The following PYGB variants were observed in gnomAD, a reference collection of about 807,000 sequenced individuals.
PYGB encodes the protein glycogen phosphorylase, brain form.
In PYGB, 82 loss-of-function variants were observed where a neutral mutation model predicts 94.3. The ratio of observed to expected loss-of-function variants is 0.87; its 90% CI spans 0.73 to 1.04. The LOEUF (loss-of-function observed/expected upper bound fraction) is 1.04. PYGB is among the 50% of genes least tolerant of loss of function. The pLI, the probability that PYGB is intolerant of heterozygous loss-of-function variation, is 0.00. For synonymous variants in PYGB, 488 were observed against 479.1 expected (o/e 1.02, Z -0.24); for missense variants, 1,132 against 1,158.2 (o/e 0.98, Z 0.33).
Position 25,270,202 on chromosome 20 carries a change from T to G in PYGB, c.424+995T>G, listed in dbSNP as rs200089228. ...TAATCCTGAAGTTTTTTTTGTTTTG[T>G]TTTGTTTTTTTTTTTTTTGAGATGG... is the stretch of plus-strand genomic sequence containing the variant. On this transcript the variant is annotated intron_variant, in intron 3 of 19. Transcript: ENST00000216962. Among the ~76,000 whole-genome samples the G allele has an allele frequency of 6.3e-4, 22 of 34,826 alleles. No individual in the cohort carries two copies. In the East Asian group the frequency reaches 0.25, roughly 396 times the overall value. The allele number at this position is 34,826 out of a possible 152,430, so 22.8% of individuals were successfully genotyped here. A position where few individuals can be genotyped will look rare whatever the true frequency, so the allele number is the denominator to read the frequency against.
At chr20:25,295,911 CTG>C (rs2088535481) in intron 19 of PYGB, among the ~76,000 whole-genome samples, 1 of 152,234 alleles carries the variant, frequency 6.6e-6, no homozygotes, top group Non-Finnish European at 1.5e-5. Flanking sequence ...GGCCTGGAAA[CTG>C]AGTGACGGGC....
intron 2 of PYGB, among the ~76,000 whole-genome samples, chr20:25,268,517 T>C (rs1464092742): frequency 6.6e-6 from 1 of 152,164 alleles, no homozygotes; most frequent in Admixed American, 6.5e-5. Context: ...TAAATATCAA[T>C]ATATGTAATT....
At position 25,276,714 on chromosome 20, in the gene PYGB, G is replaced by T. The variant is rs751107948; in HGVS notation, c.729G>T (p.Arg243=). The T allele has an allele frequency of 1.2e-6, 2 of 1,614,028 alleles. No homozygotes were observed. The highest frequency in any genetic ancestry group is 1.7e-5 in the Admixed American group (1 of 60,014). The change falls in exon 6 of 20, where the codon CGG becomes CGT. Residue 243 remains arginine (R), a synonymous_variant. Transcript: ENST00000216962. ...GYKNNTVNTM[R]LWSAKAPNDF... is the part of the protein sequence containing the mutation. ...AGAACAACACCGTCAACACCATGCG[G>T]CTGTGGTCCGCCAAGGCTCCCAACG...
rs111921219 is a variant in PYGB, at chr20:25,282,532, C to T, written c.1518+385C>T. ...ATGAGTGCTGAGGTGTCAGGCCCTG[C>T]GCTACAGGCAAGGACCAGCCGCTGG... On this transcript the variant is annotated intron_variant, in intron 12 of 19. Transcript: ENST00000216962. 3.7e-3 allele frequency among the ~76,000 whole-genome samples: 561 copies of T among 152,366 alleles called. 5 individuals carry two copies. Among genetic ancestry groups the T allele is most frequent in the Middle Eastern group, 0.01 (3 of 294 alleles).
chr20:25,288,140 A>C (rs1451020624), intron 14 of PYGB: 2 of 561,264 alleles, frequency 3.6e-6, no homozygotes, highest in East Asian at 6.7e-5. Context: ...TGCTCGAGTC[A>C]GCTGCTGGGT....
At chr20:25,253,510 G>C (rs1458447082) in intron 1 of PYGB, among the ~76,000 whole-genome samples, 1 of 151,892 alleles carries the variant, frequency 6.6e-6, no homozygotes, top group Non-Finnish European at 1.5e-5. Context: ...AAATTAGCCG[G>C]GCGTGGTGGT....
intron 4 of PYGB, 22 bp downstream of exon 4, chr20:25,271,508 C>T: frequency 6.3e-7 from 1 of 1,592,304 alleles, no homozygotes. Flanking sequence ...TTCATTTCTT[C>T]ACTGGTTTCC....
intron 1 of PYGB, chr20:25,251,240 T>TGCAGA (rs1455255088): frequency 6.6e-6 from 1 of 152,370 alleles, no homozygotes; most frequent in South Asian, 2.1e-4. Flanking sequence ...AACCTGAAGC[T>TGCAGA]GCAGAGCCTG....
intron 2 of PYGB, among the ~76,000 whole-genome samples, chr20:25,262,806 G>A (rs978432181): frequency 5.3e-5 from 8 of 151,972 alleles, no homozygotes; most frequent in African/African-American, 1.9e-4. Context: ...AAAAAGCAGG[G>A]GTTGCAATCC....
intron 1 of PYGB, among the ~76,000 whole-genome samples, chr20:25,252,674 T>G (rs2092891448): frequency 6.6e-6 from 1 of 152,246 alleles, no homozygotes; most frequent in South Asian, 2.1e-4. Flanking sequence ...AGGGCAGGTC[T>G]GAGGGAGGGT....
intron 2 of PYGB, among the ~76,000 whole-genome samples, chr20:25,262,473 G>C (rs2092915753): frequency 6.6e-6 from 1 of 152,266 alleles, no homozygotes; most frequent in African/African-American, 2.4e-5. Flanking sequence ...AGCTCCTGAA[G>C]GAAGCACTAA....
At chr20:25,257,765 C>G (rs2092905466) in intron 1 of PYGB, among the ~76,000 whole-genome samples, 1 of 152,114 alleles carries the variant, frequency 6.6e-6, no homozygotes, top group African/African-American at 2.4e-5. Context: ...AATACTTGAC[C>G]CACAGTATTT....
intron 7 of PYGB, 70 bp downstream of exon 7, chr20:25,277,396 G>C (rs760834924): frequency 6.9e-7 from 1 of 1,457,510 alleles, no homozygotes; most frequent in Non-Finnish European, 9.6e-7. Context: ...GGGCTGGCTG[G>C]CCGGGCTCCC....
intron 19 of PYGB, 89 bp from the exon 20 acceptor site, chr20:25,296,281 G>C (rs1349628554): frequency 2.4e-5 from 36 of 1,514,794 alleles, no homozygotes; most frequent in South Asian, 1.9e-4. Context: ...GAGCTCATTT[G>C]GAAACAGTCC....
chr20:25,280,839 G>A lies in PYGB; in HGVS notation c.1240-110G>A. On this transcript the variant is annotated intron_variant, in intron 10 of 19. Transcript: ENST00000216962. ...TCACAGCCCCAGAACTTCCCTGGAGGCAGCAGAGCTTCCCATGGGTGGTCA... is the reference window on the plus strand; with the variant it reads ...TCACAGCCCCAGAACTTCCCTGGAGACAGCAGAGCTTCCCATGGGTGGTCA... 2.2e-6 allele frequency: 3 copies of A among 1,391,528 alleles called. No individual in the cohort carries two copies. The South Asian group carries it at 4.0e-5, about 18-fold the overall frequency. The allele number at this position is 1,391,528 out of a possible 1,614,324, so 86.2% of individuals were successfully genotyped here.
intron 11 of PYGB, among the ~76,000 whole-genome samples, chr20:25,281,625 G>T (rs2088368044): frequency 6.6e-6 from 1 of 152,102 alleles, no homozygotes; most frequent in African/African-American, 2.4e-5. Context: ...TGGGCTGCAG[G>T]CTCTGTGCGT....
Position 25,296,573 on chromosome 20 carries a change from T to A in PYGB, c.*51T>A. On this transcript the variant is annotated 3_prime_UTR_variant, in exon 20 of 20. Coordinates refer to ENST00000216962, the MANE Select transcript of PYGB (RefSeq NM_002862.4). The stretch of plus-strand genomic sequence containing the variant: ...CGGGCATTTGTTTTCTTGCTGACTT[T>A]GCACCTCCTTTTTTCCCCAAACACT... The A allele has an allele frequency of 6.4e-7, 1 of 1,567,998 alleles. No individual in the cohort carries two copies. The highest frequency in any genetic ancestry group is 8.6e-7 in the Non-Finnish European group (1 of 1,157,806).
chr20:25,257,815 C>T (rs749998146), intron 1 of PYGB, among the ~76,000 whole-genome samples: 6 of 152,138 alleles, frequency 3.9e-5, no homozygotes, highest in South Asian at 2.1e-4. Context: ...AGTATGATTT[C>T]GCACTGGTTA....
Position 25,274,689 on chromosome 20 carries a change from A to ACACC in PYGB, c.628_631dup (p.Pro211HisfsTer65), listed in dbSNP as rs2088295405. On this transcript the variant is annotated frameshift_variant, in exon 5 of 20. Coordinates refer to ENST00000216962, the MANE Select transcript of PYGB (RefSeq NM_002862.4). LOFTEE classifies it high-confidence loss of function. ...GTGCACTTCTACGGACGCGTGGAGC[A>ACACC]CACCCCCGACGGCGTGAAGTGGCTG... 1 of 1,613,512 alleles carries ACACC rather than the reference A, an allele frequency of 6.2e-7. No homozygotes were observed. Among genetic ancestry groups the ACACC allele is most frequent in the African/African-American group, 1.3e-5 (1 of 74,928 alleles).
Sources: gnomAD v4.1 joint callset for allele counts (sites outside exome capture counted in the v4.1 genomes callset) on GRCh38, gnomAD v4.1.1 for gene constraint, MANE v1.5 for transcripts, NCBI Gene and HGNC (gene_info 2026-07-23, HGNC 2026-07-21) for gene names.